Variants in PRICKLE2 observed in about 807,000 individuals in gnomAD.
The protein encoded by PRICKLE2 is prickle-like protein 2.
PRICKLE2 carries 21 observed loss-of-function variants against 81.4 expected under a neutral mutation model. The observed-to-expected ratio is 0.26, with a 90% confidence interval of 0.18 to 0.37. The LOEUF (loss-of-function observed/expected upper bound fraction) is 0.37. PRICKLE2 is among the 10% of genes least tolerant of loss of function. The pLI, the probability that PRICKLE2 is intolerant of heterozygous loss-of-function variation, is 1.00. For synonymous variants in PRICKLE2, 456 were observed against 421.5 expected (o/e 1.08, Z -1.00); for missense variants, 940 against 1,109.0 (o/e 0.85, Z 2.16).
At chr3:64,207,338 T>G (rs1259984792) in intron 1 of PRICKLE2, among the ~76,000 whole-genome samples, 1 of 152,120 alleles carries the variant, frequency 6.6e-6, no homozygotes, top group Non-Finnish European at 1.5e-5. Context: ...AAACTACAGA[T>G]AAGAAGTAAG....
intron 2 of PRICKLE2, among the ~76,000 whole-genome samples, chr3:64,179,015 CTT>C (rs1192187525): frequency 7.3e-6 from 1 of 137,680 alleles, no homozygotes; most frequent in South Asian, 2.3e-4. Context: ...TTCTTTCTTT[CTT>C]TCTTTCTTTC....
At chr3:64,189,640 G>A (rs1194246181) in intron 2 of PRICKLE2, among the ~76,000 whole-genome samples, 1 of 152,276 alleles carries the variant, frequency 6.6e-6, no homozygotes, top group Non-Finnish European at 1.5e-5. Flanking sequence ...TTGTACCAAG[G>A]ATTAAATGGG....
intron 2 of PRICKLE2, among the ~76,000 whole-genome samples, chr3:64,173,970 G>A (rs2077977064): frequency 6.6e-6 from 1 of 152,044 alleles, no homozygotes; most frequent in South Asian, 2.1e-4. Context: ...CAGGTGTTTT[G>A]TTTTCTCAAA....
intron 7 of PRICKLE2, among the ~76,000 whole-genome samples, chr3:64,120,264 G>A (rs1233366213): frequency 6.6e-6 from 1 of 152,144 alleles, no homozygotes; most frequent in African/African-American, 2.4e-5. Context: ...TGGAATAAAG[G>A]TCTTAGGTAA....
chr3:64,178,651 A>C (rs1357489455), intron 2 of PRICKLE2, among the ~76,000 whole-genome samples: 2 of 152,236 alleles, frequency 1.3e-5, no homozygotes, highest in Non-Finnish European at 2.9e-5. Flanking sequence ...TACATTTTGC[A>C]AAGGTAAACA....
At chr3:64,146,791 A>AC (rs771464311) in intron 7 of PRICKLE2, 39 bp downstream of exon 7, 1 of 1,611,182 alleles carries the variant, frequency 6.2e-7, no homozygotes. Flanking sequence ...CCCAGAGACT[A>AC]CCCCCTTTCT....
intron 2 of PRICKLE2, among the ~76,000 whole-genome samples, chr3:64,261,580 A>C (rs1280945857): frequency 6.6e-6 from 1 of 152,170 alleles, no homozygotes; most frequent in Non-Finnish European, 1.5e-5. Context: ...CTAGGCAGGA[A>C]GTTCTCTTGA....
In PRICKLE2 at chr3:64,147,152, G is replaced by A. The variant is rs752615709; in HGVS notation, c.1338C>T (p.Phe446=). ...GTGACGAGCTCCTTTTGGGGTTGCT[G>A]AAGTGCTTGCCCCACATTTCGGGCT... ...GAQPEMWGKH[F]SNPKRSSSLA... Residue 446 remains phenylalanine (F), a synonymous_variant, in exon 7 of 8, where the codon TTC becomes TTT. Transcript: ENST00000638394. This position sits in a 1 kb window ranked among gnomAD's most constrained non-coding sequence, Gnocchi z 5.0. The A allele has an allele frequency of 1.9e-6, 3 of 1,614,162 alleles. No individual in the cohort carries two copies. The highest frequency in any genetic ancestry group is 2.2e-5 in the South Asian group (2 of 91,090).
intron 6 of PRICKLE2, among the ~76,000 whole-genome samples, chr3:64,150,411 A>T (rs1490530242): frequency 6.6e-6 from 1 of 152,062 alleles, no homozygotes; most frequent in African/African-American, 2.4e-5. Context: ...AACTGGGCCT[A>T]CTGACCACTC....
chr3:64,224,202 A>G (rs2078998512), intron 1 of PRICKLE2, among the ~76,000 whole-genome samples: 1 of 152,168 alleles, frequency 6.6e-6, no homozygotes, highest in South Asian at 2.1e-4. Context: ...GTCCCACTGG[A>G]CCCCAGCATA....
At chr3:64,140,206 G>A (rs1041511184) in intron 7 of PRICKLE2, among the ~76,000 whole-genome samples, 1 of 152,184 alleles carries the variant, frequency 6.6e-6, no homozygotes, top group Non-Finnish European at 1.5e-5. Context: ...ATAGTGAGGT[G>A]CAGAATAGAT....
Position 64,106,360 on chromosome 3 carries a change from C to T in PRICKLE2, c.1661-6435G>A, listed in dbSNP as rs540227690. On this transcript the variant is annotated intron_variant, in intron 7 of 7. Coordinates refer to ENST00000638394, the MANE Select transcript of PRICKLE2 (RefSeq NM_198859.4). ...TTCTAAATAAAGTTGTATTGGAACA[C>T]AACCACACCTATTCATTTGCATATT... 8.5e-5 allele frequency among the ~76,000 whole-genome samples: 13 copies of T among 152,352 alleles called. No individual in the cohort carries two copies. In the South Asian group the frequency reaches 2.7e-3, roughly 32 times the overall value.
In PRICKLE2 at chr3:64,136,490, G is replaced by A. The variant is rs1276649233; in HGVS notation, c.1660+10340C>T. Among the ~76,000 whole-genome samples, 4 of 150,304 alleles carry A rather than the reference G, an allele frequency of 2.7e-5. No individual in the cohort carries two copies. The South Asian group carries it at 8.5e-4, about 32-fold the overall frequency. ...GATGAACGTAGTGTAAGTGATCCCT[G>A]GAATACTCAAATTGATGGAGTGGAT... On this transcript the variant is annotated intron_variant, in intron 7 of 7. Coordinates refer to ENST00000638394, the MANE Select transcript of PRICKLE2 (RefSeq NM_198859.4).
intron 2 of PRICKLE2, among the ~76,000 whole-genome samples, chr3:64,240,950 C>T (rs1438388998): frequency 6.6e-6 from 1 of 152,036 alleles, no homozygotes; most frequent in Non-Finnish European, 1.5e-5. Context: ...TCCAGGATGG[C>T]CAGTTGGTGG....
chr3:64,190,999 G>C (rs940526425), intron 2 of PRICKLE2, among the ~76,000 whole-genome samples: 1 of 152,094 alleles, frequency 6.6e-6, no homozygotes, highest in Non-Finnish European at 1.5e-5. Context: ...AGAATCAAGA[G>C]GCTCCATCTG....
intron 2 of PRICKLE2, among the ~76,000 whole-genome samples, chr3:64,244,288 TCAAATGCAAAAACACCA>T (rs1261551587): frequency 1.3e-5 from 2 of 152,180 alleles, no homozygotes; most frequent in Non-Finnish European, 2.9e-5. Flanking sequence ...GAATCTCAGT[TCAAATGCAAAAACACCA>T]TCTTAACATG....
intron 7 of PRICKLE2, among the ~76,000 whole-genome samples, chr3:64,126,600 C>T (rs541316737): frequency 5.3e-5 from 8 of 151,940 alleles, no homozygotes; most frequent in African/African-American, 9.7e-5. Flanking sequence ...TTTTTTTAGA[C>T]GGAGTCTTGC....
intron 2 of PRICKLE2, among the ~76,000 whole-genome samples, chr3:64,236,074 T>C (rs2079175872): frequency 6.6e-6 from 1 of 152,216 alleles, no homozygotes; most frequent in African/African-American, 2.4e-5. Context: ...CTTGGGACAA[T>C]TTCCAGAAAC....
At position 64,199,149 on chromosome 3, in the gene PRICKLE2, C is replaced by T. The variant is rs2078520864; in HGVS notation, c.-40-182G>A. 2.5e-5 allele frequency: 16 copies of T among 644,000 alleles called. 1 individual carries two copies. Among genetic ancestry groups the T allele is most frequent in the Admixed American group, 1.3e-4 (5 of 39,286 alleles). 39.9% of individuals were successfully genotyped at this position (644,000 alleles called of 1,614,324 possible). A position where few individuals can be genotyped will look rare whatever the true frequency, so the allele number is the denominator to read the frequency against. The stretch of plus-strand genomic sequence containing the variant: ...CTGTCTTTGCAGAGGGCGTGGTACA[C>T]GCATGTGAAAACAGCATGAAAGGTC... On this transcript the variant is annotated intron_variant, in intron 1 of 7. Coordinates refer to ENST00000638394, the MANE Select transcript of PRICKLE2 (RefSeq NM_198859.4).
Sources: gnomAD v4.1 joint callset for allele counts (sites outside exome capture counted in the v4.1 genomes callset) on GRCh38, gnomAD v4.1.1 for gene constraint, Gnocchi (gnomAD v3.1) non-coding constraint, MANE v1.5 for transcripts, NCBI Gene and HGNC (gene_info 2026-07-23, HGNC 2026-07-21) for gene names.